The following ADAM10 variants were observed in gnomAD, a reference collection of about 807,000 sequenced individuals.
ADAM10 encodes disintegrin and metalloproteinase domain-containing protein 10.
ADAM10 carries 17 observed loss-of-function variants against 90.1 expected under a neutral mutation model. The observed-to-expected ratio is 0.19, with a 90% CI of 0.13 to 0.28. The LOEUF is 0.28. ADAM10 is among the 10% of genes least tolerant of loss of function. The pLI is 1.00. For missense variants in ADAM10, 610 were observed against 914.3 expected, an observed-to-expected ratio of 0.67 and a Z score of 4.29; for synonymous variants, 310 against 298.6, an observed-to-expected ratio of 1.04 and a Z score of -0.40.
chr15:58,622,534 G>A (rs1047292259), intron 10 of ADAM10, among the ~76,000 whole-genome samples: 2 of 152,130 alleles, frequency 1.3e-5, no homozygotes, highest in Non-Finnish European at 2.9e-5. Context: ...TTAGCTGATT[G>A]TAATACAATC....
At chr15:58,691,292 T>C in intron 2 of ADAM10, 1 of 1,252,362 alleles carries the variant, frequency 8.0e-7, no homozygotes, top group Non-Finnish European at 1.2e-6. Flanking sequence ...CCTTGGTAAC[T>C]GACAGCAGGC....
chr15:58,638,059 G>A lies in ADAM10; in HGVS notation c.1012+2718C>T, dbSNP rs34405826. 6.9e-3 allele frequency among the ~76,000 whole-genome samples: 1,056 copies of A among 152,170 alleles called. 5 individuals carry two copies. The highest frequency in any genetic ancestry group is 0.012 in the Non-Finnish European group (805 of 68,002). On this transcript the variant is annotated intron_variant, in intron 8 of 15. Coordinates refer to ENST00000260408, the MANE Select transcript of ADAM10 (RefSeq NM_001110.4). ...TACACTCGAAAAAGTTGGACCAAAG[G>A]AACAAAGATCCCTTTTCTTTCCCAC... is the stretch of plus-strand genomic sequence containing the variant.
In ADAM10 at chr15:58,591,271, A is replaced by G. The variant is rs1054627425; in HGVS notation, c.*6276T>C. 1.3e-5 allele frequency: 2 copies of G among 152,202 alleles called. No individual in the cohort carries two copies. The highest frequency in any genetic ancestry group is 4.8e-5 in the African/African-American group (2 of 41,436). The allele number at this position is 152,202 out of a possible 1,614,324, so 9.4% of individuals were successfully genotyped here. On this transcript the variant is annotated 3_prime_UTR_variant, in exon 16 of 16. Transcript: ENST00000260408. ...TCAATTAATTATTCATTGTAACTGG[A>G]GCAGAATATAATTATGTTAGCTTGA...
chr15:58,736,159 A>G (rs1376717869), intron 1 of ADAM10, among the ~76,000 whole-genome samples: 2 of 152,184 alleles, frequency 1.3e-5, no homozygotes, highest in Non-Finnish European at 2.9e-5. Context: ...TCACCAGAAG[A>G]GGCCATAATG....
rs1894796546 is a variant in ADAM10 at position 58,590,179 on chromosome 15, C to G, written c.*7368G>C. 6.6e-6 allele frequency: 1 copy of G among 152,218 alleles called. No individual in the cohort carries two copies. 9.4% of individuals were successfully genotyped at this position (152,218 alleles called of 1,614,324 possible). A position where few individuals can be genotyped will look rare whatever the true frequency, so the allele number is the denominator to read the frequency against. On this transcript the variant is annotated 3_prime_UTR_variant, in exon 16 of 16. Transcript: ENST00000260408. ...TTCCTGATGTCCCACCCTCCTTTCT[C>G]AGTCCTATCTCTGCATTATCAGCTG...
chr15:58,665,369 G>T (rs544288728), intron 4 of ADAM10, among the ~76,000 whole-genome samples, 172 bp from the exon 5 acceptor site: 3 of 152,096 alleles, frequency 2.0e-5, no homozygotes, highest in Non-Finnish European at 4.4e-5. Flanking sequence ...AACCTAGCAG[G>T]TTCCTAAGCT....
At chr15:58,713,468 C>T (rs1395294563) in intron 2 of ADAM10, among the ~76,000 whole-genome samples, 1 of 152,144 alleles carries the variant, frequency 6.6e-6, no homozygotes, top group African/African-American at 2.4e-5. Flanking sequence ...GTAAGATTCA[C>T]ACTCTGCACT....
chr15:58,602,139 C>CCTA (rs1322940820), intron 14 of ADAM10, among the ~76,000 whole-genome samples: 1 of 152,084 alleles, frequency 6.6e-6, no homozygotes. Context: ...CTCATGGTTT[C>CCTA]CTATTTTTTA....
chr15:58,621,744 C>CA, intron 10 of ADAM10, 123 bp from the exon 11 acceptor site: 1 of 1,229,444 alleles, frequency 8.1e-7, no homozygotes, highest in East Asian at 2.5e-5. Context: ...ATAAGTAGAA[C>CA]AAACTAGGAA....
chr15:58,650,939 CT>C (rs1318722125), intron 5 of ADAM10, among the ~76,000 whole-genome samples: 7 of 151,726 alleles, frequency 4.6e-5, no homozygotes, highest in African/African-American at 1.5e-4. Context: ...TTTAAGGTGT[CT>C]TTTATTTTTA....
Position 58,592,738 on chromosome 15 carries a change from TG to T in ADAM10, c.*4808del, listed in dbSNP as rs1894848722. 1 of 145,442 alleles carries T rather than the reference TG, an allele frequency of 6.9e-6. No homozygotes were observed. Among genetic ancestry groups the T allele is most frequent in the South Asian group, 2.2e-4 (1 of 4,496 alleles). The allele number at this position is 145,442 out of a possible 1,614,324, so 9.0% of individuals were successfully genotyped here. A position where few individuals can be genotyped will look rare whatever the true frequency, so the allele number is the denominator to read the frequency against. On this transcript the variant is annotated 3_prime_UTR_variant, in exon 16 of 16. Transcript: ENST00000260408. ...CTGCATATATGTGGATTTCTAAGGA[TG>T]GGACTCTGATTTAATATATATATAT...
intron 2 of ADAM10, among the ~76,000 whole-genome samples, chr15:58,705,661 A>G (rs901480372): frequency 1.8e-4 from 27 of 152,226 alleles, no homozygotes; most frequent in Admixed American, 6.5e-5. Flanking sequence ...TTAGGATGTC[A>G]TTCCATAAGT....
chr15:58,614,665 C>G (rs1340325285), intron 11 of ADAM10, among the ~76,000 whole-genome samples: 4 of 152,052 alleles, frequency 2.6e-5, no homozygotes, highest in Non-Finnish European at 5.9e-5. Flanking sequence ...AAATGAGGGA[C>G]AAATAAAGTC....
chr15:58,717,485 T>C, intron 2 of ADAM10, 92 bp downstream of exon 2: 1 of 1,514,678 alleles, frequency 6.6e-7, no homozygotes, highest in African/African-American at 1.4e-5. Context: ...AGACCTTGCA[T>C]TAGAGAAGGA....
At chr15:58,597,663 A>T in intron 15 of ADAM10, 22 bp from the exon 16 acceptor site, 1 of 1,613,276 alleles carries the variant, frequency 6.2e-7, no homozygotes, top group Non-Finnish European at 8.5e-7. Flanking sequence ...AAATAAAAGC[A>T]AAGCAGATTT....
chr15:58,660,380 C>T (rs1449501179), intron 5 of ADAM10, among the ~76,000 whole-genome samples: 2 of 151,852 alleles, frequency 1.3e-5, no homozygotes, highest in Non-Finnish European at 2.9e-5. Context: ...AAAACTGTGT[C>T]TTTTCATTTA....
chr15:58,661,775 C>G, intron 5 of ADAM10, among the ~76,000 whole-genome samples: 1 of 152,120 alleles, frequency 6.6e-6, no homozygotes, highest in Middle Eastern at 3.2e-3. Context: ...TATTTTCCCT[C>G]TGTGCTTAGA....
intron 14 of ADAM10, among the ~76,000 whole-genome samples, chr15:58,607,379 A>G (rs1476199659): frequency 2.0e-5 from 3 of 152,256 alleles, no homozygotes; most frequent in African/African-American, 7.2e-5. Flanking sequence ...TTTCATCATA[A>G]AAGTTTCTAG....
At chr15:58,720,419 G>C (rs1166725510) in intron 1 of ADAM10, among the ~76,000 whole-genome samples, 1 of 122,574 alleles carries the variant, frequency 8.2e-6, no homozygotes, top group African/African-American at 3.3e-5. Flanking sequence ...TTTTTTTTTT[G>C]AGACAGAGTC....
Sources: gnomAD v4.1 joint callset for allele counts (sites outside exome capture counted in the v4.1 genomes callset) on GRCh38, gnomAD v4.1.1 for gene constraint, MANE v1.5 for transcripts, NCBI Gene and HGNC (gene_info 2026-07-23, HGNC 2026-07-21) for gene names.